PEBP4: variants seen among roughly 807,000 people sequenced by gnomAD.
PEBP4 encodes the protein phosphatidylethanolamine-binding protein 4.
In PEBP4, 22 loss-of-function variants were observed where a neutral mutation model predicts 23.9. The observed-to-expected ratio is 0.92, with a 90% CI of 0.66 to 1.31. The LOEUF (loss-of-function observed/expected upper bound fraction) is 1.31, where lower values mean the gene tolerates loss of function less well. PEBP4 is among the 40% of genes most tolerant of loss of function. The pLI, the probability that PEBP4 is intolerant of heterozygous loss-of-function variation, is 0.00. For synonymous variants in PEBP4, 112 were observed against 99.3 expected (o/e 1.13, Z -0.76); for missense variants, 324 against 281.7 (o/e 1.15, Z -1.07).
At position 22,883,704 on chromosome 8, in the gene PEBP4, G is replaced by C. The variant is rs58578969; in HGVS notation, c.258+36480C>G. On this transcript the variant is annotated intron_variant, in intron 3 of 6. Transcript: ENST00000256404. The stretch of plus-strand genomic sequence containing the variant: ...CATTTGGTTTGGAATTATAGGCTGA[G>C]TTGCTGCTCACTCCTATTATTGTGC... Among the ~76,000 whole-genome samples the C allele has an allele frequency of 7.2e-3, 1,096 of 152,258 alleles. 16 individuals are homozygous for C. The highest frequency in any genetic ancestry group is 0.025 in the African/African-American group (1,023 of 41,530).
At chr8:22,762,397 A>T (rs1037103113) in intron 4 of PEBP4, among the ~76,000 whole-genome samples, 1 of 152,208 alleles carries the variant, frequency 6.6e-6, no homozygotes, top group African/African-American at 2.4e-5. Context: ...GCCAAAGAGC[A>T]TTCCTTCAAA....
At chr8:22,923,805 T>C (rs901442117) in intron 2 of PEBP4, among the ~76,000 whole-genome samples, 4 of 152,106 alleles carry the variant, frequency 2.6e-5, no homozygotes, top group African/African-American at 9.7e-5. Flanking sequence ...CCTTCCCCCA[T>C]GTGAAGTCGC....
chr8:22,796,457 A>G (rs1321566895), intron 4 of PEBP4, among the ~76,000 whole-genome samples: 2 of 152,194 alleles, frequency 1.3e-5, no homozygotes, highest in Non-Finnish European at 2.9e-5. Flanking sequence ...TCTTACTACT[A>G]TCATTGTCAA....
intron 3 of PEBP4, among the ~76,000 whole-genome samples, chr8:22,890,573 C>T (rs1808473054): frequency 1.3e-5 from 2 of 152,254 alleles, no homozygotes; most frequent in African/African-American, 4.8e-5. Flanking sequence ...CTGTGGGGCA[C>T]ACCTTCATAG....
chr8:22,749,370 T>C lies in PEBP4; in HGVS notation c.358-22150A>G, dbSNP rs1466389459. On this transcript the variant is annotated intron_variant, in intron 4 of 6. Transcript: ENST00000256404. ...TTAGCTCCGTAGGCAAGACATCCCA[T>C]TGATGTAATGTCAGCCTAGGAGCAC... Among the ~76,000 whole-genome samples, 6 of 152,172 alleles carry C rather than the reference T, an allele frequency of 3.9e-5. No individual in the cohort carries two copies. The East Asian group carries it at 9.6e-4, about 24-fold the overall frequency.
At chr8:22,933,496 CA>C (rs1370694456) in intron 1 of PEBP4, among the ~76,000 whole-genome samples, 1 of 152,096 alleles carries the variant, frequency 6.6e-6, no homozygotes, top group Non-Finnish European at 1.5e-5. Context: ...CTTTGAAGCC[CA>C]GGGGGCATTG....
intron 4 of PEBP4, among the ~76,000 whole-genome samples, chr8:22,739,041 C>T (rs921092229): frequency 2.6e-5 from 4 of 152,136 alleles, no homozygotes; most frequent in African/African-American, 9.7e-5. Flanking sequence ...ATCTCCAGGC[C>T]CCTGGCAGGG....
At chr8:22,877,689 A>G (rs2128771542) in intron 3 of PEBP4, among the ~76,000 whole-genome samples, 1 of 151,640 alleles carries the variant, frequency 6.6e-6, no homozygotes, top group South Asian at 2.1e-4. Flanking sequence ...CCTGTTATGA[A>G]ACCCACGGGG....
At chr8:22,856,688 C>T (rs550221666) in intron 3 of PEBP4, among the ~76,000 whole-genome samples, 1 of 152,014 alleles carries the variant, frequency 6.6e-6, no homozygotes, top group African/African-American at 2.4e-5. Flanking sequence ...TGCACTCTAG[C>T]CTGGGCAATA....
chr8:22,779,707 C>T (rs2055822), intron 4 of PEBP4, among the ~76,000 whole-genome samples: 70,327 of 152,094 alleles, frequency 0.46, 17,693 homozygotes, highest in Middle Eastern at 0.62. Context: ...CTGTGTTTAG[C>T]ACTGGGAAGG....
intron 4 of PEBP4, 139 bp from the exon 5 acceptor site, chr8:22,727,359 G>T: frequency 1.2e-6 from 1 of 814,676 alleles, no homozygotes. Context: ...GGATGGGAGA[G>T]GAGGAAAATG....
intron 3 of PEBP4, among the ~76,000 whole-genome samples, chr8:22,873,018 A>G (rs965741091): frequency 1.3e-5 from 2 of 152,158 alleles, no homozygotes; most frequent in African/African-American, 4.8e-5. Flanking sequence ...TTACTAGATC[A>G]GGGAAGATTA....
chr8:22,841,485 G>A (rs1336459339), intron 3 of PEBP4, among the ~76,000 whole-genome samples: 1 of 152,228 alleles, frequency 6.6e-6, no homozygotes, highest in Non-Finnish European at 1.5e-5. Flanking sequence ...CAGCAAACGG[G>A]TCCTTTCTCT....
intron 3 of PEBP4, among the ~76,000 whole-genome samples, chr8:22,891,303 T>C (rs1010883534): frequency 1.3e-5 from 2 of 152,190 alleles, no homozygotes; most frequent in African/African-American, 4.8e-5. Context: ...GGCTCACACA[T>C]AGGAAGATGC....
intron 4 of PEBP4, among the ~76,000 whole-genome samples, chr8:22,734,142 A>G (rs1457119583): frequency 6.6e-6 from 1 of 152,226 alleles, no homozygotes; most frequent in South Asian, 2.1e-4. Flanking sequence ...CAATCTGTGT[A>G]TTCGGCAATT....
chr8:22,833,075 G>T (rs1047683603), intron 3 of PEBP4, among the ~76,000 whole-genome samples: 12 of 152,264 alleles, frequency 7.9e-5, no homozygotes, highest in African/African-American at 2.2e-4. Flanking sequence ...CACAATAAAG[G>T]TTCTTGCCCA....
At chr8:22,827,763 T>A (rs1008324721) in intron 3 of PEBP4, among the ~76,000 whole-genome samples, 1 of 152,258 alleles carries the variant, frequency 6.6e-6, no homozygotes, top group Non-Finnish European at 1.5e-5. Flanking sequence ...GTGGAACTGC[T>A]GGGTCATATT....
rs12545333 is a variant in PEBP4 at position 22,903,173 on chromosome 8, C to T, written c.258+17011G>A. Among the ~76,000 whole-genome samples the T allele has an allele frequency of 7.1e-3, 1,076 of 152,260 alleles. 44 individuals are homozygous for T. Among genetic ancestry groups the T allele is most frequent in the Admixed American group, 0.063 (963 of 15,292 alleles). On this transcript the variant is annotated intron_variant, in intron 3 of 6. Coordinates refer to ENST00000256404, the MANE Select transcript of PEBP4 (RefSeq NM_144962.3). ...AATGTTGAGAGCAGGACTCATTTAC[C>T]TGTTATTTGAGAGCCAGCCATGATA... is the stretch of plus-strand genomic sequence containing the variant.
intron 3 of PEBP4, among the ~76,000 whole-genome samples, chr8:22,852,248 C>G (rs1338556105): frequency 6.6e-6 from 1 of 152,220 alleles, no homozygotes; most frequent in Admixed American, 6.5e-5. Flanking sequence ...AACTCCTGCC[C>G]TCCACCTCCA....
Sources: gnomAD v4.1 joint callset for allele counts (sites outside exome capture counted in the v4.1 genomes callset) on GRCh38, gnomAD v4.1.1 for gene constraint, MANE v1.5 for transcripts, NCBI Gene and HGNC (gene_info 2026-07-23, HGNC 2026-07-21) for gene names.